CELF4: variants seen among roughly 807,000 people sequenced by gnomAD.
CELF4 encodes the protein CUGBP Elav-like family member 4.
Under a neutral mutation model 59.9 loss-of-function variants are expected in CELF4, and 18 were observed. That is an observed-to-expected ratio of 0.30 (90% CI 0.21 to 0.45). The LOEUF is 0.45. CELF4 is among the 20% of genes least tolerant of loss of function. The probability of loss-of-function intolerance (pLI) is 1.00; values close to 1 mark genes in which losing one functional copy is unlikely to be tolerated. For synonymous variants in CELF4, 261 were observed against 267.1 expected, an observed-to-expected ratio of 0.98 and a Z score of 0.22; for missense variants, 456 against 689.0, an observed-to-expected ratio of 0.66 and a Z score of 3.79.
At chr18:37,456,046 A>G (rs1253353505) in intron 2 of CELF4, among the ~76,000 whole-genome samples, 1 of 152,084 alleles carries the variant, frequency 6.6e-6, no homozygotes, top group South Asian at 2.1e-4. Flanking sequence ...TCTCCTCCTG[A>G]GGCCTCTGGA....
chr18:37,504,435 C>T (rs1471387983), intron 1 of CELF4, among the ~76,000 whole-genome samples: 6 of 131,336 alleles, frequency 4.6e-5, no homozygotes, highest in African/African-American at 1.8e-4. Context: ...GCATGGGTGA[C>T]AGAGTGAGAC....
In CELF4 at chr18:37,266,353, C is replaced by T. The variant is rs112097785; in HGVS notation, c.1165+180G>A. 621 of 676,056 alleles carry T rather than the reference C, an allele frequency of 9.2e-4. 4 individuals are homozygous for T. Among genetic ancestry groups the T allele is most frequent in the African/African-American group, 8.8e-3 (492 of 55,802 alleles). The allele number at this position is 676,056 out of a possible 1,614,324, so 41.9% of individuals were successfully genotyped here. On this transcript the variant is annotated intron_variant, in intron 9 of 12. Transcript: ENST00000420428. ...CCCAACCCCACTGCAGGGGCACTCT[C>T]GGTGGCCCGCTGACAAGAAGGCAGC...
intron 2 of CELF4, among the ~76,000 whole-genome samples, chr18:37,339,822 C>T (rs538299500): frequency 1.3e-5 from 2 of 151,716 alleles, no homozygotes; most frequent in South Asian, 4.2e-4. Context: ...ATGGTCATGC[C>T]CCTGCCAATG....
intron 3 of CELF4, among the ~76,000 whole-genome samples, chr18:37,277,387 C>A (rs1044055962): frequency 6.6e-6 from 1 of 152,224 alleles, no homozygotes; most frequent in African/African-American, 2.4e-5. Context: ...CTTTGGGGCA[C>A]ACCCCCACCC....
At chr18:37,434,793 C>T (rs2099684483) in intron 2 of CELF4, among the ~76,000 whole-genome samples, 1 of 152,104 alleles carries the variant, frequency 6.6e-6, no homozygotes, top group Non-Finnish European at 1.5e-5. Flanking sequence ...ATCTGGTCTC[C>T]TCGCCAACTC....
chr18:37,424,759 C>T (rs1307046182), intron 2 of CELF4, among the ~76,000 whole-genome samples: 6 of 152,176 alleles, frequency 3.9e-5, no homozygotes, highest in Admixed American at 6.5e-5. Flanking sequence ...TGCCTCCTCC[C>T]CCTACCCTTC....
rs1347338796 is a variant in CELF4, at chr18:37,246,989, T to C, written c.*45-1792A>G. The C allele has an allele frequency of 1.3e-5, 2 of 151,974 alleles. No homozygotes were observed. The highest frequency in any genetic ancestry group is 2.9e-5 in the Non-Finnish European group (2 of 67,978). 9.4% of individuals were successfully genotyped at this position (151,974 alleles called of 1,614,324 possible). A position where few individuals can be genotyped will look rare whatever the true frequency, so the allele number is the denominator to read the frequency against. On this transcript the variant is annotated intron_variant, in intron 12 of 12. Transcript: ENST00000420428. This position sits in a 1 kb window ranked among gnomAD's most constrained non-coding sequence, Gnocchi z 5.3. ...ACGAAAATGAGCACAGCAAAAAAGA[T>C]TGTGGCAGCACAAAAGTCAAGAAAA...
chr18:37,398,129 G>C (rs1014317718), intron 2 of CELF4, among the ~76,000 whole-genome samples: 6 of 152,192 alleles, frequency 3.9e-5, no homozygotes, highest in African/African-American at 1.2e-4. Flanking sequence ...GTGAGCTGCC[G>C]GCCCTTGCTG....
chr18:37,445,271 G>A (rs1386824336), intron 2 of CELF4, among the ~76,000 whole-genome samples: 1 of 152,098 alleles, frequency 6.6e-6, no homozygotes, highest in Non-Finnish European at 1.5e-5. Context: ...GCCCTTTGCT[G>A]GACATCCTGC....
At chr18:37,302,176 C>T (rs939311030) in intron 3 of CELF4, among the ~76,000 whole-genome samples, 1 of 152,196 alleles carries the variant, frequency 6.6e-6, no homozygotes, top group African/African-American at 2.4e-5. Context: ...GCCCACCGGC[C>T]ACCCCTTCCT....
intron 1 of CELF4, among the ~76,000 whole-genome samples, chr18:37,559,168 C>G (rs1352165757): frequency 1.3e-5 from 2 of 152,104 alleles, no homozygotes; most frequent in Admixed American, 1.3e-4. Flanking sequence ...ATGATGAGGA[C>G]AGCATCATTC....
chr18:37,491,519 G>A (rs1282193665), intron 1 of CELF4, among the ~76,000 whole-genome samples: 1 of 152,106 alleles, frequency 6.6e-6, no homozygotes, highest in Non-Finnish European at 1.5e-5. Flanking sequence ...ACGGCTAAGT[G>A]GAGGGCCCAG....
At chr18:37,384,596 G>T (rs867835114) in intron 2 of CELF4, among the ~76,000 whole-genome samples, 2 of 152,222 alleles carry the variant, frequency 1.3e-5, no homozygotes, top group Non-Finnish European at 1.5e-5. Context: ...GGCCATGTTG[G>T]GAGCCTTGCC....
At chr18:37,373,158 CT>C (rs2098923746) in intron 2 of CELF4, among the ~76,000 whole-genome samples, 1 of 152,246 alleles carries the variant, frequency 6.6e-6, no homozygotes, top group Non-Finnish European at 1.5e-5. Flanking sequence ...GGTGGCAGAG[CT>C]GGGGCCACTG....
intron 1 of CELF4, among the ~76,000 whole-genome samples, chr18:37,540,373 T>C (rs565942978): frequency 1.3e-4 from 20 of 152,366 alleles, no homozygotes; most frequent in African/African-American, 4.6e-4. Context: ...TATTGTTTTT[T>C]TACTTTAAAA....
intron 7 of CELF4, 118 bp from the exon 8 acceptor site, chr18:37,271,035 A>G (rs536581651): frequency 4.0e-5 from 32 of 802,096 alleles, no homozygotes; most frequent in Non-Finnish European, 6.1e-5. Context: ...ATAGACTTGG[A>G]CCTCACATAC....
chr18:37,559,893 T>A (rs1384637829), intron 1 of CELF4, among the ~76,000 whole-genome samples: 1 of 152,214 alleles, frequency 6.6e-6, no homozygotes, highest in Non-Finnish European at 1.5e-5. Context: ...AGCTCCCTGA[T>A]AGAACTCAGA....
At chr18:37,281,820 C>G (rs2094178207) in intron 3 of CELF4, among the ~76,000 whole-genome samples, 1 of 152,188 alleles carries the variant, frequency 6.6e-6, no homozygotes, top group Non-Finnish European at 1.5e-5. Flanking sequence ...AGGGTGCCTC[C>G]TGGATCCCAG....
At chr18:37,363,196 G>A (rs576369900) in intron 2 of CELF4, among the ~76,000 whole-genome samples, 3 of 152,096 alleles carry the variant, frequency 2.0e-5, no homozygotes, top group Non-Finnish European at 4.4e-5. Flanking sequence ...GGACGAGGGT[G>A]GGGGAGGTTA....
Sources: gnomAD v4.1 joint callset for allele counts (sites outside exome capture counted in the v4.1 genomes callset) on GRCh38, gnomAD v4.1.1 for gene constraint, Gnocchi (gnomAD v3.1) non-coding constraint, MANE v1.5 for transcripts, NCBI Gene and HGNC (gene_info 2026-07-23, HGNC 2026-07-21) for gene names.